Variants in TBXAS1 observed in about 807,000 individuals in gnomAD.
TBXAS1 encodes thromboxane A synthase 1.
Under a neutral mutation model 60.7 loss-of-function variants are expected in TBXAS1, and 48 were observed. The ratio of observed to expected loss-of-function variants is 0.79; its 90% CI spans 0.63 to 1.01. The LOEUF is 1.01. Ranked by LOEUF, TBXAS1 falls within the 50% of genes least tolerant of loss-of-function variation. The pLI, the probability that TBXAS1 is intolerant of heterozygous loss-of-function variation, is 0.00. For synonymous variants in TBXAS1, 287 were observed against 269.7 expected, an observed-to-expected ratio of 1.06 and a Z score of -0.63; for missense variants, 685 against 686.3, an observed-to-expected ratio of 1.00 and a Z score of 0.02.
intron 5 of TBXAS1, among the ~76,000 whole-genome samples, chr7:139,950,677 G>A (rs754816999): frequency 4.1e-4 from 50 of 122,132 alleles, no homozygotes; most frequent in Middle Eastern, 8.5e-3. Flanking sequence ...CTCCATCTAC[G>A]GGACCCCCTC....
chr7:140,011,309 A>T (rs1307696299), intron 10 of TBXAS1, among the ~76,000 whole-genome samples: 5 of 144,522 alleles, frequency 3.5e-5, no homozygotes, highest in Non-Finnish European at 7.5e-5. Flanking sequence ...AACAAAAAAA[A>T]CAGTCCCCTA....
At chr7:139,882,665 G>A (rs1276998979) in intron 3 of TBXAS1, among the ~76,000 whole-genome samples, 1 of 152,192 alleles carries the variant, frequency 6.6e-6, no homozygotes, top group Non-Finnish European at 1.5e-5. Flanking sequence ...TTGAAACAGT[G>A]GAATTAAGCA....
chr7:140,003,483 G>A (rs1813840529), intron 9 of TBXAS1, among the ~76,000 whole-genome samples: 1 of 152,176 alleles, frequency 6.6e-6, no homozygotes, highest in South Asian at 2.1e-4. Flanking sequence ...GGGATTACAG[G>A]CGTGAGCCAC....
At chr7:139,979,923 G>T (rs760939447) in intron 9 of TBXAS1, among the ~76,000 whole-genome samples, 1 of 151,594 alleles carries the variant, frequency 6.6e-6, no homozygotes, top group Non-Finnish European at 1.5e-5. Flanking sequence ...TGTAACATTG[G>T]GTTTTGCTTT....
At chr7:139,935,620 A>G (rs549671571) in intron 4 of TBXAS1, among the ~76,000 whole-genome samples, 4 of 151,888 alleles carry the variant, frequency 2.6e-5, no homozygotes, top group South Asian at 2.1e-4. Flanking sequence ...TGAATGACCA[A>G]TAGAACACAG....
chr7:139,958,550 C>T (rs2117356288), intron 8 of TBXAS1, among the ~76,000 whole-genome samples: 1 of 152,296 alleles, frequency 6.6e-6, no homozygotes, highest in East Asian at 1.9e-4. Context: ...CTGGCTCGTG[C>T]AAGATGCAAC....
At chr7:139,830,223 A>C (rs1390258430) in intron 1 of TBXAS1, among the ~76,000 whole-genome samples, 1 of 152,196 alleles carries the variant, frequency 6.6e-6, no homozygotes, top group Non-Finnish European at 1.5e-5. Flanking sequence ...TACCCATTCA[A>C]TCAAAAGCAC....
At chr7:139,902,478 G>A (rs1011231796) in intron 3 of TBXAS1, among the ~76,000 whole-genome samples, 8 of 152,240 alleles carry the variant, frequency 5.3e-5, no homozygotes, top group Non-Finnish European at 1.2e-4. Context: ...GTATTCCGTT[G>A]TATAGATGTA....
intron 4 of TBXAS1, among the ~76,000 whole-genome samples, chr7:139,807,749 C>A (rs1797915594): frequency 6.6e-6 from 1 of 152,072 alleles, no homozygotes; most frequent in Admixed American, 6.6e-5. Context: ...AACTCTTGGC[C>A]TCAAGCGATC....
At position 139,829,443 on chromosome 7, in the gene TBXAS1, T is replaced by TGACA; in HGVS notation, c.54_55insACAG (p.Ala19ThrfsTer75). On this transcript the variant is annotated frameshift_variant, in exon 1 of 13. Coordinates refer to ENST00000448866, the MANE Select transcript of TBXAS1 (RefSeq NM_001061.7). LOFTEE classifies it high-confidence loss of function. ...GAAGTGAATGGCCCCATGGTGACGG[T>TGACA]GGCCCTGTCAGTGGCTCTCTTGGCC... 6.2e-7 allele frequency: 1 copy of TGACA among 1,614,026 alleles called. No homozygotes were observed. The highest frequency in any genetic ancestry group is 1.1e-5 in the South Asian group (1 of 91,002).
At chr7:139,985,718 C>T (rs1812403692) in intron 9 of TBXAS1, among the ~76,000 whole-genome samples, 1 of 152,364 alleles carries the variant, frequency 6.6e-6, no homozygotes, top group Non-Finnish European at 1.5e-5. Context: ...ATCTGTCCCC[C>T]TCCACTAGAC....
At chr7:139,903,467 G>A (rs1330824890) in intron 3 of TBXAS1, among the ~76,000 whole-genome samples, 1 of 151,978 alleles carries the variant, frequency 6.6e-6, no homozygotes, top group Non-Finnish European at 1.5e-5. Context: ...CCCAGTAGTG[G>A]GATTGCTGGA....
In TBXAS1 at chr7:139,999,250, C is replaced by T. The variant is rs1021048934; in HGVS notation, c.1135-7841C>T. Reference sequence around the variant, plus strand: ...CCATAAGAACTCAGGGCTGGCCGGGCGCCATGGCTTACGCCTATAATCCCA... The same window carrying T: ...CCATAAGAACTCAGGGCTGGCCGGGTGCCATGGCTTACGCCTATAATCCCA... On this transcript the variant is annotated intron_variant, in intron 9 of 12. Transcript: ENST00000448866. The surrounding 1 kb of genome is among the most constrained non-coding windows in gnomAD (Gnocchi z 4.3). Among the ~76,000 whole-genome samples the T allele has an allele frequency of 2.6e-5, 4 of 152,210 alleles. No homozygotes were observed. The highest frequency in any genetic ancestry group is 7.2e-5 in the African/African-American group (3 of 41,456).
intron 4 of TBXAS1, among the ~76,000 whole-genome samples, chr7:139,822,860 G>A (rs1450933530): frequency 6.6e-6 from 1 of 152,142 alleles, no homozygotes; most frequent in African/African-American, 2.4e-5. Context: ...TGGTCCTCAT[G>A]TCAGGTAGAA....
intron 4 of TBXAS1, among the ~76,000 whole-genome samples, chr7:139,808,677 C>T (rs1797939127): frequency 6.6e-6 from 1 of 152,154 alleles, no homozygotes; most frequent in African/African-American, 2.4e-5. Context: ...TAAGTCAGCT[C>T]TGCTCACAGT....
chr7:139,993,845 G>A (rs1417775694), intron 9 of TBXAS1, among the ~76,000 whole-genome samples: 1 of 151,156 alleles, frequency 6.6e-6, no homozygotes, highest in Non-Finnish European at 1.5e-5. Flanking sequence ...TGGGAGGGTT[G>A]AACTGCTCTT....
intron 4 of TBXAS1, among the ~76,000 whole-genome samples, chr7:139,787,815 G>T (rs1797246097): frequency 6.6e-6 from 1 of 152,068 alleles, no homozygotes; most frequent in African/African-American, 2.4e-5. Flanking sequence ...CTGCAGTCTG[G>T]TGAAGCCTGG....
upstream of TBXAS1, among the ~76,000 whole-genome samples, chr7:139,827,251 G>T (rs551562282): frequency 5.6e-4 from 85 of 152,178 alleles, no homozygotes; most frequent in African/African-American, 2.0e-3. Context: ...AGACCTGTGG[G>T]GGCACAGAAA....
At chr7:140,010,260 A>G (rs2116417390) in intron 10 of TBXAS1, among the ~76,000 whole-genome samples, 1 of 152,298 alleles carries the variant, frequency 6.6e-6, no homozygotes, top group Non-Finnish European at 1.5e-5. Context: ...GGGTGAATGT[A>G]GGGAGAGTGA....
Sources: allele counts gnomAD v4.1 joint callset (sites outside exome capture counted in the v4.1 genomes callset), GRCh38; gene constraint gnomAD v4.1.1; non-coding constraint Gnocchi (gnomAD v3.1); transcripts MANE v1.5; gene names NCBI Gene and HGNC (gene_info 2026-07-23, HGNC 2026-07-21).